The following NUDT12 variants were observed in gnomAD, a reference collection of about 807,000 sequenced individuals.
NUDT12 encodes NAD-capped RNA hydrolase NUDT12.
In NUDT12, 42 loss-of-function variants were observed where a neutral mutation model predicts 45.7. That is an observed-to-expected ratio of 0.92 (90% CI 0.72 to 1.19). The LOEUF is 1.19. NUDT12 is among the 50% of genes most tolerant of loss of function. The pLI, the probability that NUDT12 is intolerant of heterozygous loss-of-function variation, is 0.00. For synonymous variants in NUDT12, 206 were observed against 179.7 expected (o/e 1.15, Z -1.17); for missense variants, 590 against 533.1 (o/e 1.11, Z -1.05).
At chr5:103,552,473 G>A in intron 5 of NUDT12, 57 bp from the exon 6 acceptor site, 4 of 1,304,078 alleles carry the variant, frequency 3.1e-6, no homozygotes, top group Non-Finnish European at 4.4e-6. Context: ...GACACTTTGT[G>A]TCCTGAATGG....
At chr5:103,556,821 C>A (rs969347517) in intron 3 of NUDT12, among the ~76,000 whole-genome samples, 1 of 151,964 alleles carries the variant, frequency 6.6e-6, no homozygotes, top group African/African-American at 2.4e-5. Flanking sequence ...GACAAAGTTA[C>A]CCTCCCTAAA....
chr5:103,559,501 G>T, intron 2 of NUDT12, 33 bp from the exon 3 acceptor site: 1 of 1,168,448 alleles, frequency 8.6e-7, no homozygotes, highest in Non-Finnish European at 1.1e-6. Flanking sequence ...GGGAGAAAAA[G>T]TAAAATAGGA....
chr5:103,554,041 T>C (rs1408946922), intron 5 of NUDT12, among the ~76,000 whole-genome samples: 2 of 152,038 alleles, frequency 1.3e-5, no homozygotes, highest in Admixed American at 6.6e-5. Flanking sequence ...ATGATCCTCC[T>C]CCAAAACACA....
chr5:103,553,921 T>C (rs1748731570), intron 5 of NUDT12, among the ~76,000 whole-genome samples: 1 of 151,978 alleles, frequency 6.6e-6, no homozygotes, highest in African/African-American at 2.4e-5. Context: ...CCCTATGCCT[T>C]AGTGCCCCTA....
chr5:103,555,501 T>A (rs946448122), intron 4 of NUDT12, among the ~76,000 whole-genome samples: 1 of 152,024 alleles, frequency 6.6e-6, no homozygotes, highest in Non-Finnish European at 1.5e-5. Flanking sequence ...GTTTTAAAGG[T>A]CTGGGTTACC....
Position 103,560,160 on chromosome 5 carries a change from C to A in NUDT12, c.89G>T (p.Gly30Val). ...AAGAGATGGAGAATGACTGAGTATTCCTGTTAACTTGGCAATATCTCCTTC... is the reference window on the plus strand; with the variant it reads ...AAGAGATGGAGAATGACTGAGTATTACTGTTAACTTGGCAATATCTCCTTC... The part of the protein sequence containing the change: ...AAEGDIAKLT[G>V]ILSHSPSLLN... Residue 30 changes from glycine (G) to valine (V), a missense_variant, in exon 2 of 7, where the codon GGA (glycine) becomes GTA (valine). Gly to Val is a moderately radical substitution (Grantham distance 109). Transcript: ENST00000230792. 5.6e-6 allele frequency: 9 copies of A among 1,613,554 alleles called. No individual in the cohort carries two copies. The highest frequency in any genetic ancestry group is 7.6e-6 in the Non-Finnish European group (9 of 1,179,524).
Position 103,562,721 on chromosome 5 carries a change from G to C in NUDT12, c.-25C>G, listed in dbSNP as rs1749077749. The C allele has an allele frequency of 6.8e-6, 1 of 147,164 alleles. No individual in the cohort carries two copies. The highest frequency in any genetic ancestry group is 7.0e-5 in the Admixed American group (1 of 14,378). 9.1% of individuals were successfully genotyped at this position (147,164 alleles called of 1,614,324 possible). On this transcript the variant is annotated 5_prime_UTR_variant, in exon 1 of 7. Transcript: ENST00000230792. ...TACTAACCCAAAGGTGACCACAGTA[G>C]AGGCAACCAGGATGCAGTCCAAAGA...
In NUDT12 at chr5:103,560,440, A is replaced by G. The variant is rs886183582; in HGVS notation, c.-6-186T>C. Among the ~76,000 whole-genome samples the G allele has an allele frequency of 2.6e-5, 4 of 152,206 alleles. No homozygotes were observed. The East Asian group carries it at 7.7e-4, about 29-fold the overall frequency. On this transcript the variant is annotated intron_variant, in intron 1 of 6. Coordinates refer to ENST00000230792, the MANE Select transcript of NUDT12 (RefSeq NM_031438.4). The stretch of plus-strand genomic sequence containing the variant: ...TATCAGTTTAGAATTATAAAATGCA[A>G]CGCAATTTATATGCCCATGGGAGTT...
Position 103,549,982 on chromosome 5 carries a change from A to C in NUDT12, c.*879T>G, listed in dbSNP as rs887238214. The C allele has an allele frequency of 2.0e-5, 3 of 152,182 alleles. No homozygotes were observed. Among genetic ancestry groups the C allele is most frequent in the Non-Finnish European group, 2.9e-5 (2 of 68,016 alleles). 9.4% of individuals were successfully genotyped at this position (152,182 alleles called of 1,614,324 possible). A position where few individuals can be genotyped will look rare whatever the true frequency, so the allele number is the denominator to read the frequency against. ...ACACAGATACATCACTCATCACAAA[A>C]TGAAATAAAGCCAATGTTTTAAATT... is the stretch of plus-strand genomic sequence containing the variant. On this transcript the variant is annotated 3_prime_UTR_variant, in exon 7 of 7. Coordinates refer to ENST00000230792, the MANE Select transcript of NUDT12 (RefSeq NM_031438.4).
chr5:103,553,508 T>A (rs1401684483), intron 5 of NUDT12, among the ~76,000 whole-genome samples: 10 of 152,130 alleles, frequency 6.6e-5, no homozygotes, highest in African/African-American at 2.4e-4. Flanking sequence ...TAATGGAACA[T>A]TTCATGTTCT....
At chr5:103,552,128 C>A (rs1363534755) in intron 6 of NUDT12, 89 bp downstream of exon 6, 3 of 1,020,916 alleles carry the variant, frequency 2.9e-6, no homozygotes, top group Non-Finnish European at 4.5e-6. Flanking sequence ...CATCATTCAA[C>A]TTGCTGAAAA....
intron 3 of NUDT12, among the ~76,000 whole-genome samples, chr5:103,557,280 G>GGTATGTATATATATATATATATAT (rs1491335747): frequency 5.9e-5 from 7 of 118,934 alleles, no homozygotes; most frequent in South Asian, 6.4e-4. Flanking sequence ...ATCTTAAAAT[G>GGTATGTATATATATATATATATAT]ATATATATAT....
rs980931933 is a variant in NUDT12 at position 103,562,734 on chromosome 5, T to C, written c.-38A>G. Reference sequence around the variant, plus strand: ...GTGACCACAGTAGAGGCAACCAGGATGCAGTCCAAAGATTGGGATATCCCA... The same window carrying C: ...GTGACCACAGTAGAGGCAACCAGGACGCAGTCCAAAGATTGGGATATCCCA... On this transcript the variant is annotated 5_prime_UTR_variant, in exon 1 of 7. Transcript: ENST00000230792. 2 of 138,936 alleles carry C rather than the reference T, an allele frequency of 1.4e-5. No homozygotes were observed. The highest frequency in any genetic ancestry group is 7.8e-5 in the Admixed American group (1 of 12,740). 8.6% of individuals were successfully genotyped at this position (138,936 alleles called of 1,614,324 possible).
rs1464867951 is a variant in NUDT12 at position 103,548,887 on chromosome 5, C to A, written c.*1974G>T. ...TAAAAATTTAATGTATTATTACATT[C>A]ATTTCCAGTAGAATACATTCACGGC... On this transcript the variant is annotated 3_prime_UTR_variant, in exon 7 of 7. Transcript: ENST00000230792. The A allele has an allele frequency of 2.6e-5, 4 of 152,128 alleles. No individual in the cohort carries two copies. The highest frequency in any genetic ancestry group is 4.4e-5 in the Non-Finnish European group (3 of 67,990). 9.4% of individuals were successfully genotyped at this position (152,128 alleles called of 1,614,324 possible).
rs1011760384 is a variant in NUDT12 at position 103,550,770 on chromosome 5, C to T, written c.*91G>A. On this transcript the variant is annotated 3_prime_UTR_variant, in exon 7 of 7. Coordinates refer to ENST00000230792, the MANE Select transcript of NUDT12 (RefSeq NM_031438.4). Reference sequence around the variant, plus strand: ...CAACATCGTATTTTGTGTTGTGACACTCTCAAGAGTACTGAATAATCTCTA... The same window carrying T: ...CAACATCGTATTTTGTGTTGTGACATTCTCAAGAGTACTGAATAATCTCTA... The T allele has an allele frequency of 5.6e-5, 47 of 834,862 alleles. No homozygotes were observed. In the Middle Eastern group the frequency reaches 7.8e-4, roughly 14 times the overall value. 51.7% of individuals were successfully genotyped at this position (834,862 alleles called of 1,614,324 possible).
Position 103,552,460 on chromosome 5 carries a change from C to T in NUDT12, c.1079-44G>A, listed in dbSNP as rs183605381. 1.6e-4 allele frequency: 236 copies of T among 1,475,290 alleles called. 2 individuals carry two copies. In the African/African-American group the frequency reaches 1.9e-3, roughly 12 times the overall value. The allele number at this position is 1,475,290 out of a possible 1,614,324, so 91.4% of individuals were successfully genotyped here. On this transcript the variant is annotated intron_variant, in intron 5 of 6. Transcript: ENST00000230792. ...AGAACAAGTTGCTGATGAACATGCCCGGGACACTTTGTGTCCTGAATGGTT... is the reference window on the plus strand; with the variant it reads ...AGAACAAGTTGCTGATGAACATGCCTGGGACACTTTGTGTCCTGAATGGTT...
intron 2 of NUDT12, 168 bp downstream of exon 2, chr5:103,559,875 C>T (rs985028495): frequency 1.8e-6 from 1 of 557,864 alleles, no homozygotes; most frequent in Non-Finnish European, 3.1e-6. Context: ...AAAAAGGTTA[C>T]AAAGTTTTAA....
Position 103,559,161 on chromosome 5 carries a change from G to C in NUDT12, c.514C>G (p.Pro172Ala). Reference protein sequence around the residue: ...LGGNKESFQQPEVRLCQLNYT... With the variant: ...LGGNKESFQQAEVRLCQLNYT... ...TTCAGCTGACAAAGCCTAACTTCTGGCTGTTGGAAACTTTCTTTATTGCCA... is the reference window on the plus strand; with the variant it reads ...TTCAGCTGACAAAGCCTAACTTCTGCCTGTTGGAAACTTTCTTTATTGCCA... The change falls in exon 3 of 7, where the codon CCA (proline) becomes GCA (alanine). Residue 172 changes from proline to alanine, a missense_variant. Coordinates refer to ENST00000230792, the MANE Select transcript of NUDT12 (RefSeq NM_031438.4). The C allele has an allele frequency of 6.4e-7, 1 of 1,560,502 alleles. No homozygotes were observed. Among genetic ancestry groups the C allele is most frequent in the Non-Finnish European group, 8.6e-7 (1 of 1,156,886 alleles).
In NUDT12 at chr5:103,552,284, G is replaced by C; in HGVS notation, c.1211C>G (p.Ala404Gly). 6.2e-7 allele frequency: 1 copy of C among 1,613,862 alleles called. No homozygotes were observed. Among genetic ancestry groups the C allele is most frequent in the Non-Finnish European group, 8.5e-7 (1 of 1,179,830 alleles). ...GTCAACTTTAATTTCTGTAGACACT[G>C]CTAGAGCTAAGCAACCAATCATTAA... is the stretch of plus-strand genomic sequence containing the variant. ...SSLMIGCLAL[A>G]VSTEIKVDKN... The change falls in exon 6 of 7, where the codon GCA becomes GGA. Residue 404 changes from alanine to glycine, a missense_variant. Coordinates refer to ENST00000230792, the MANE Select transcript of NUDT12 (RefSeq NM_031438.4).
Sources: gnomAD v4.1 joint callset for allele counts (sites outside exome capture counted in the v4.1 genomes callset) on GRCh38, gnomAD v4.1.1 for gene constraint, MANE v1.5 for transcripts, NCBI Gene and HGNC (gene_info 2026-07-23, HGNC 2026-07-21) for gene names.